CNTN4: variants seen among roughly 807,000 people sequenced by gnomAD.
CNTN4 encodes the protein contactin 4.
Under a neutral mutation model 122.5 loss-of-function variants are expected in CNTN4, and 77 were observed. The ratio of observed to expected loss-of-function variants is 0.63; its 90% CI spans 0.52 to 0.76. The LOEUF is 0.76. Ranked by LOEUF, CNTN4 falls within the 30% of genes least tolerant of loss-of-function variation. The probability of loss-of-function intolerance (pLI) is 0.00; values close to 1 mark genes in which losing one functional copy is unlikely to be tolerated. For missense variants in CNTN4, 1,256 were observed against 1,259.1 expected, an observed-to-expected ratio of 1.00 and a Z score of 0.04; for synonymous variants, 512 against 447.0, an observed-to-expected ratio of 1.15 and a Z score of -1.83.
chr3:2,495,986 C>T (rs1575768189), intron 3 of CNTN4, among the ~76,000 whole-genome samples: 1 of 152,130 alleles, frequency 6.6e-6, no homozygotes, highest in Non-Finnish European at 1.5e-5. Context: ...GTCTTCTGTC[C>T]CTAACCATCC....
intron 2 of CNTN4, among the ~76,000 whole-genome samples, chr3:2,111,911 A>G (rs1227056972): frequency 6.6e-6 from 1 of 152,136 alleles, no homozygotes; most frequent in Non-Finnish European, 1.5e-5. Flanking sequence ...ATGATTTACA[A>G]ACTTGAAATT....
intron 2 of CNTN4, among the ~76,000 whole-genome samples, chr3:2,172,261 TG>T (rs761747966): frequency 1.3e-5 from 2 of 152,128 alleles, no homozygotes; most frequent in Non-Finnish European, 2.9e-5. Context: ...GCAACTTAGA[TG>T]GAGCTGGAGG....
chr3:2,489,191 A>T (rs2151648642), intron 3 of CNTN4, among the ~76,000 whole-genome samples: 1 of 152,312 alleles, frequency 6.6e-6, no homozygotes. Flanking sequence ...GAGGATAAGA[A>T]ACTTGTTGAA....
intron 7 of CNTN4, among the ~76,000 whole-genome samples, chr3:2,861,173 G>T (rs1235571666): frequency 1.3e-5 from 2 of 152,156 alleles, no homozygotes; most frequent in African/African-American, 4.8e-5. Context: ...CTGAGGAATA[G>T]AAATTACTTT....
chr3:2,364,177 A>G (rs1446319639), intron 3 of CNTN4, among the ~76,000 whole-genome samples: 3 of 152,180 alleles, frequency 2.0e-5, no homozygotes, highest in Admixed American at 1.3e-4. Flanking sequence ...GCTAGATTTG[A>G]ACTCTACTGC....
At chr3:3,008,536 A>C (rs2125471439) in intron 14 of CNTN4, among the ~76,000 whole-genome samples, 1 of 152,302 alleles carries the variant, frequency 6.6e-6, no homozygotes, top group Non-Finnish European at 1.5e-5. Context: ...GTGGGCTTTT[A>C]AGCCTCTCCT....
intron 3 of CNTN4, among the ~76,000 whole-genome samples, chr3:2,421,848 A>T (rs1412077345): frequency 6.6e-6 from 1 of 152,206 alleles, no homozygotes; most frequent in African/African-American, 2.4e-5. Flanking sequence ...TTCTCATTCT[A>T]CTAAGGAGAA....
intron 13 of CNTN4, among the ~76,000 whole-genome samples, chr3:2,950,934 A>C (rs560483287): frequency 2.0e-5 from 3 of 152,360 alleles, no homozygotes; most frequent in African/African-American, 7.2e-5. Context: ...CACTTAGCAT[A>C]GTACTTGACA....
At chr3:2,695,385 A>T (rs1364552520) in intron 4 of CNTN4, among the ~76,000 whole-genome samples, 1 of 152,184 alleles carries the variant, frequency 6.6e-6, no homozygotes, top group Non-Finnish European at 1.5e-5. Flanking sequence ...GCACCTTTTC[A>T]GTATTGAAGA....
intron 14 of CNTN4, chr3:3,009,010 T>C: frequency 1.0e-6 from 1 of 985,348 alleles, no homozygotes; most frequent in Non-Finnish European, 1.2e-6. Flanking sequence ...CTTGGTATGA[T>C]CTGCGGGCTA....
chr3:2,552,118 A>G (rs966317196), intron 3 of CNTN4, among the ~76,000 whole-genome samples: 48 of 152,344 alleles, frequency 3.2e-4, no homozygotes, highest in Middle Eastern at 3.4e-3. Context: ...TCTTAAGATA[A>G]GTGAGGCCAG....
intron 3 of CNTN4, among the ~76,000 whole-genome samples, chr3:2,503,898 C>G (rs1035153634): frequency 2.0e-5 from 3 of 151,982 alleles, no homozygotes; most frequent in African/African-American, 7.2e-5. Flanking sequence ...TTGGCTTTAC[C>G]AGGTAGCTGA....
chr3:2,622,597 G>C (rs2082032274), intron 4 of CNTN4, among the ~76,000 whole-genome samples: 1 of 152,212 alleles, frequency 6.6e-6, no homozygotes, highest in African/African-American at 2.4e-5. Flanking sequence ...TTTTGAAGCA[G>C]AGGAGTTGTC....
intron 6 of CNTN4, among the ~76,000 whole-genome samples, chr3:2,814,087 C>G (rs2092674487): frequency 6.6e-6 from 1 of 152,144 alleles, no homozygotes; most frequent in African/African-American, 2.4e-5. Context: ...GCTGTTTTCA[C>G]AAATATGATA....
chr3:2,123,049 A>C (rs367577117), intron 2 of CNTN4, among the ~76,000 whole-genome samples: 1 of 152,206 alleles, frequency 6.6e-6, no homozygotes, highest in Non-Finnish European at 1.5e-5. Flanking sequence ...AAGCCAGGAC[A>C]GTATGTTCTT....
chr3:2,293,099 T>C (rs1460324729), intron 2 of CNTN4, among the ~76,000 whole-genome samples: 1 of 148,112 alleles, frequency 6.8e-6, no homozygotes, highest in Non-Finnish European at 1.5e-5. Flanking sequence ...TGTGGGTGTA[T>C]AGTGCTATTG....
At chr3:2,296,405 T>A (rs1052811759) in intron 2 of CNTN4, among the ~76,000 whole-genome samples, 2 of 152,206 alleles carry the variant, frequency 1.3e-5, no homozygotes, top group Non-Finnish European at 2.9e-5. Flanking sequence ...CCCTTGTAAG[T>A]TGGATTCCTA....
At position 2,445,259 on chromosome 3, in the gene CNTN4, G is replaced by C. The variant is rs546348964; in HGVS notation, c.-89+106026G>C. Among the ~76,000 whole-genome samples, 11 of 152,300 alleles carry C rather than the reference G, an allele frequency of 7.2e-5. 1 individual carries two copies. The South Asian group carries it at 2.1e-3, about 29-fold the overall frequency. ...TAGGGGGACTCTGGAGTCAGGAGAT[G>C]TGTTTGTGGCCTTGGTAACAGCCTT... On this transcript the variant is annotated intron_variant, in intron 3 of 24. Coordinates refer to ENST00000418658, the MANE Select transcript of CNTN4 (RefSeq NM_175607.3).
At chr3:2,357,114 G>A (rs1437076676) in intron 3 of CNTN4, among the ~76,000 whole-genome samples, 1 of 152,134 alleles carries the variant, frequency 6.6e-6, no homozygotes, top group African/African-American at 2.4e-5. Context: ...GCCCTAGGAA[G>A]CCTGTATGGT....
Sources: gnomAD v4.1 joint callset for allele counts (sites outside exome capture counted in the v4.1 genomes callset) on GRCh38, gnomAD v4.1.1 for gene constraint, MANE v1.5 for transcripts, NCBI Gene and HGNC (gene_info 2026-07-23, HGNC 2026-07-21) for gene names.